Variants in EPB41L4B observed in about 807,000 individuals in gnomAD.
EPB41L4B encodes band 4.1-like protein 4B.
A neutral mutation model predicts 112.5 loss-of-function variants in EPB41L4B; 30 were observed. The observed-to-expected ratio is 0.27, with a 90% CI of 0.20 to 0.36. EPB41L4B has a LOEUF of 0.36. Among genes scored for constraint, EPB41L4B ranks in the 10% least tolerant of loss-of-function variants. The pLI is 1.00. For synonymous variants in EPB41L4B, 408 were observed against 439.7 expected (o/e 0.93, Z 0.90); for missense variants, 1,024 against 1,133.3 (o/e 0.90, Z 1.38).
chr9:109,303,788 G>A (rs573370496), intron 1 of EPB41L4B, among the ~76,000 whole-genome samples: 2 of 151,928 alleles, frequency 1.3e-5, no homozygotes, highest in East Asian at 1.9e-4. Flanking sequence ...TTATGGTTGT[G>A]AACCACCACA....
intron 17 of EPB41L4B, among the ~76,000 whole-genome samples, chr9:109,210,623 T>G (rs1833132759): frequency 1.3e-5 from 2 of 152,242 alleles, no homozygotes; most frequent in African/African-American, 4.8e-5. Flanking sequence ...TTCTGGACAA[T>G]GCAAGACCTG....
At chr9:109,206,276 T>C (rs959056323) in intron 18 of EPB41L4B, among the ~76,000 whole-genome samples, 2 of 152,200 alleles carry the variant, frequency 1.3e-5, no homozygotes, top group African/African-American at 2.4e-5. Flanking sequence ...CTCTGCCTCC[T>C]GGGTTCAAAC....
chr9:109,299,851 T>C (rs1364282343), intron 1 of EPB41L4B, among the ~76,000 whole-genome samples: 1 of 152,210 alleles, frequency 6.6e-6, no homozygotes, highest in Non-Finnish European at 1.5e-5. Flanking sequence ...TGGAATCATA[T>C]AGCATGCCTC....
chr9:109,240,996 C>A, intron 15 of EPB41L4B: 1 of 985,268 alleles, frequency 1.0e-6, no homozygotes, highest in Non-Finnish European at 1.2e-6. Context: ...TTCAAAGTCC[C>A]CCTGTATCTA....
intron 15 of EPB41L4B, among the ~76,000 whole-genome samples, chr9:109,227,012 AT>A (rs1351303950): frequency 2.7e-5 from 4 of 150,306 alleles, no homozygotes; most frequent in East Asian, 2.0e-4. Flanking sequence ...CTAATTTTTC[AT>A]TTTTTTTATA....
chr9:109,176,210 C>T (rs1831835064), intron 25 of EPB41L4B, among the ~76,000 whole-genome samples: 1 of 152,018 alleles, frequency 6.6e-6, no homozygotes, highest in South Asian at 2.1e-4. Context: ...TCACTGAAAC[C>T]TCCACCTACT....
intron 24 of EPB41L4B, among the ~76,000 whole-genome samples, chr9:109,177,684 A>G (rs566389910): frequency 1.3e-5 from 2 of 151,968 alleles, no homozygotes; most frequent in African/African-American, 2.4e-5. Context: ...TCAGCCGGGC[A>G]CGCTGGCGCA....
At chr9:109,262,403 C>T (rs1001355364) in intron 6 of EPB41L4B, among the ~76,000 whole-genome samples, 31 of 152,090 alleles carry the variant, frequency 2.0e-4, no homozygotes, top group African/African-American at 5.8e-4. Context: ...AGTCTAATCA[C>T]CAAGTCCTTC....
In EPB41L4B at chr9:109,194,212, C is replaced by T; in HGVS notation, c.2223+8G>A. On this transcript the variant is annotated splice_region_variant and intron_variant, in intron 21 of 25. Transcript: ENST00000374566. ...GGCTGCTCGCCAGGGCTTTCCACCCCCCAATACCTTGGCCCCAGGGGACAG... is the reference window on the plus strand; with the variant it reads ...GGCTGCTCGCCAGGGCTTTCCACCCTCCAATACCTTGGCCCCAGGGGACAG... The T allele has an allele frequency of 6.2e-7, 1 of 1,613,588 alleles. No individual in the cohort carries two copies. Among genetic ancestry groups the T allele is most frequent in the African/African-American group, 1.3e-5 (1 of 75,042 alleles).
At chr9:109,285,398 TG>T (rs1836235067) in intron 1 of EPB41L4B, among the ~76,000 whole-genome samples, 1 of 152,206 alleles carries the variant, frequency 6.6e-6, no homozygotes, top group Non-Finnish European at 1.5e-5. Flanking sequence ...CTCACTGAGC[TG>T]GCTCGGAGGT....
chr9:109,274,603 A>G (rs1213651867), intron 2 of EPB41L4B, among the ~76,000 whole-genome samples: 1 of 152,220 alleles, frequency 6.6e-6, no homozygotes, highest in Non-Finnish European at 1.5e-5. Context: ...GTAAGCTCCA[A>G]GTCAAAGCTG....
At chr9:109,197,469 G>A (rs905761319) in intron 20 of EPB41L4B, among the ~76,000 whole-genome samples, 3 of 151,798 alleles carry the variant, frequency 2.0e-5, no homozygotes, top group Non-Finnish European at 4.4e-5. Context: ...CAAATGAGCG[G>A]TAGCCAGCGT....
At chr9:109,246,089 C>A (rs1216731505) in intron 14 of EPB41L4B, among the ~76,000 whole-genome samples, 1 of 152,162 alleles carries the variant, frequency 6.6e-6, no homozygotes, top group Non-Finnish European at 1.5e-5. Context: ...TAACAAAAAA[C>A]AATCAGTGAA....
At chr9:109,252,629 G>A (rs1588173514) in intron 12 of EPB41L4B, among the ~76,000 whole-genome samples, 1 of 152,182 alleles carries the variant, frequency 6.6e-6, no homozygotes, top group East Asian at 1.9e-4. Flanking sequence ...GGCCCACTAA[G>A]TCCTGAGCCA....
rs1834347327 is a variant in EPB41L4B, at chr9:109,241,402, T to A, written c.1409+2216A>T. On this transcript the variant is annotated intron_variant, in intron 15 of 25. Coordinates refer to ENST00000374566, the MANE Select transcript of EPB41L4B (RefSeq NM_019114.5). ...ACATAGTAAAATGATAAACATAGAC[T>A]TTGACTCCAATTTTAAAATCAGAAC... The A allele has an allele frequency of 9.8e-6, 12 of 1,220,676 alleles. No homozygotes were observed. In the South Asian group the frequency reaches 1.8e-4, roughly 19 times the overall value. The allele number at this position is 1,220,676 out of a possible 1,614,324, so 75.6% of individuals were successfully genotyped here. A position where few individuals can be genotyped will look rare whatever the true frequency, so the allele number is the denominator to read the frequency against.
At chr9:109,269,807 G>A (rs575255838) in intron 2 of EPB41L4B, among the ~76,000 whole-genome samples, 68 of 152,248 alleles carry the variant, frequency 4.5e-4, no homozygotes, top group African/African-American at 1.6e-3. Flanking sequence ...AGACACATTT[G>A]CACTCTGCAC....
intron 15 of EPB41L4B, among the ~76,000 whole-genome samples, chr9:109,229,531 T>C (rs1833886253): frequency 6.6e-6 from 1 of 152,160 alleles, no homozygotes. Context: ...TCACTCCAAG[T>C]TGGGGTTCCT....
At chr9:109,192,246 C>T (rs1832485560) in intron 22 of EPB41L4B, 32 bp downstream of exon 22, 2 of 1,574,138 alleles carry the variant, frequency 1.3e-6, no homozygotes, top group Non-Finnish European at 1.7e-6. Context: ...TGGTCTGTGA[C>T]TTTTCTGGTT....
At chr9:109,216,605 C>T (rs1219688356) in intron 16 of EPB41L4B, among the ~76,000 whole-genome samples, 1 of 148,638 alleles carries the variant, frequency 6.7e-6, no homozygotes, top group Non-Finnish European at 1.5e-5. Flanking sequence ...CATGCCACTG[C>T]ACTCCAGCCT....
Sources: allele counts gnomAD v4.1 joint callset (sites outside exome capture counted in the v4.1 genomes callset), GRCh38; gene constraint gnomAD v4.1.1; transcripts MANE v1.5; gene names NCBI Gene and HGNC (gene_info 2026-07-23, HGNC 2026-07-21).